IGF2BP2: variants seen among roughly 807,000 people sequenced by gnomAD.
The protein encoded by IGF2BP2 is insulin-like growth factor 2 mRNA-binding protein 2.
In IGF2BP2, 17 loss-of-function variants were observed where a neutral mutation model predicts 75.8. The ratio of observed to expected loss-of-function variants is 0.22; its 90% CI spans 0.15 to 0.34. IGF2BP2 has a LOEUF of 0.34. IGF2BP2 is among the 10% of genes least tolerant of loss of function. IGF2BP2 has a pLI of 1.00. For synonymous variants in IGF2BP2, 288 were observed against 295.6 expected, an observed-to-expected ratio of 0.97 and a Z score of 0.26; for missense variants, 516 against 772.4, an observed-to-expected ratio of 0.67 and a Z score of 3.93.
chr3:185,715,722 C>A (rs1416206781), intron 2 of IGF2BP2, among the ~76,000 whole-genome samples: 1 of 152,082 alleles, frequency 6.6e-6, no homozygotes, highest in Non-Finnish European at 1.5e-5. Context: ...CGGCTCACTG[C>A]AACCTCCACC....
chr3:185,648,956 C>A (rs1445025643), intron 14 of IGF2BP2, among the ~76,000 whole-genome samples: 1 of 151,166 alleles, frequency 6.6e-6, no homozygotes, highest in Non-Finnish European at 1.5e-5. Context: ...AGGGCACAGG[C>A]CTGAGTGAAA....
At chr3:185,697,416 T>C (rs1722729138) in intron 3 of IGF2BP2, among the ~76,000 whole-genome samples, 1 of 128,728 alleles carries the variant, frequency 7.8e-6, no homozygotes, top group Non-Finnish European at 1.8e-5. Flanking sequence ...AATAATCGTG[T>C]GTTTTTTTTT....
intron 10 of IGF2BP2, 72 bp from the exon 11 acceptor site, chr3:185,658,481 T>TGA: frequency 3.9e-6 from 5 of 1,284,832 alleles, no homozygotes; most frequent in South Asian, 1.3e-5. Flanking sequence ...GAGGCCAGAT[T>TGA]CCCAACATGC....
At chr3:185,651,816 C>T (rs1018653437) in intron 13 of IGF2BP2, among the ~76,000 whole-genome samples, 2 of 152,156 alleles carry the variant, frequency 1.3e-5, no homozygotes, top group African/African-American at 4.8e-5. Context: ...ATCCTCAAAA[C>T]CAGGGCTAAG....
rs1048303401 is a variant in IGF2BP2 at position 185,800,279 on chromosome 3, G to A, written c.239+22874C>T. Among the ~76,000 whole-genome samples, 5 of 152,168 alleles carry A rather than the reference G, an allele frequency of 3.3e-5. No individual in the cohort carries two copies. The East Asian group carries it at 9.6e-4, about 29-fold the overall frequency. On this transcript the variant is annotated intron_variant, in intron 2 of 15. Coordinates refer to ENST00000382199, the MANE Select transcript of IGF2BP2 (RefSeq NM_006548.6). ...ACGTCATAGACCGGGGCCTGTCGGAGAGTGGGGGACTGGGGGAGGTATAGC... is the reference window on the plus strand; with the variant it reads ...ACGTCATAGACCGGGGCCTGTCGGAAAGTGGGGGACTGGGGGAGGTATAGC...
chr3:185,786,336 C>T (rs957500581), intron 2 of IGF2BP2, among the ~76,000 whole-genome samples: 4 of 152,212 alleles, frequency 2.6e-5, no homozygotes, highest in South Asian at 2.1e-4. Flanking sequence ...GCTAAGCCAT[C>T]GTATCCCCTG....
chr3:185,689,233 T>C (rs1486761779), intron 6 of IGF2BP2, 122 bp downstream of exon 6: 1 of 1,007,166 alleles, frequency 9.9e-7, no homozygotes, highest in African/African-American at 1.6e-5. Context: ...AAGAAGCCAC[T>C]GTCTCTTACA....
intron 2 of IGF2BP2, among the ~76,000 whole-genome samples, chr3:185,749,669 T>C (rs758309372): frequency 1.1e-4 from 16 of 152,206 alleles, no homozygotes; most frequent in Non-Finnish European, 1.8e-4. Context: ...CGCTGGGTAA[T>C]TTTGAGAAAA....
intron 2 of IGF2BP2, chr3:185,716,880 G>A: frequency 2.1e-6 from 1 of 477,916 alleles, no homozygotes; most frequent in Non-Finnish European, 4.1e-6. Flanking sequence ...CTTGTTCGTG[G>A]AATTTATCAC....
At chr3:185,695,045 C>T (rs1722406421) in intron 4 of IGF2BP2, among the ~76,000 whole-genome samples, 1 of 152,224 alleles carries the variant, frequency 6.6e-6, no homozygotes, top group South Asian at 2.1e-4. Context: ...AGAGATCATG[C>T]TCCTGCACTC....
At chr3:185,658,519 GCTCCACTGTCGTGTCTACACGCCTGTCC>G in intron 10 of IGF2BP2, 110 bp from the exon 11 acceptor site, 1 of 871,022 alleles carries the variant, frequency 1.1e-6, no homozygotes, top group East Asian at 2.5e-5. Context: ...GCATCAGCTG[GCTCCACTGTCGTGTCTACACGCCTGTCC>G]CTCTGTGTCT....
chr3:185,684,533 T>C (rs1367647743), intron 7 of IGF2BP2, among the ~76,000 whole-genome samples: 1 of 152,180 alleles, frequency 6.6e-6, no homozygotes, highest in Non-Finnish European at 1.5e-5. Context: ...GCTTCCCAAG[T>C]AGCTGGGACT....
At position 185,703,275 on chromosome 3, in the gene IGF2BP2, T is replaced by C. The variant is rs995440231; in HGVS notation, c.240-4928A>G. ...GCCTCAGCATACATTTTATAATCTG[T>C]TATATTTATAATACGTTATCTTTGG... On this transcript the variant is annotated intron_variant, in intron 2 of 15. Transcript: ENST00000382199. 3.2e-4 allele frequency among the ~76,000 whole-genome samples: 48 copies of C among 152,222 alleles called. 2 individuals carry two copies. Among genetic ancestry groups the C allele is most frequent in the Non-Finnish European group, 5.9e-5 (4 of 68,044 alleles).
chr3:185,778,195 G>A (rs972767718), intron 2 of IGF2BP2, among the ~76,000 whole-genome samples: 1 of 152,072 alleles, frequency 6.6e-6, no homozygotes, highest in Non-Finnish European at 1.5e-5. Flanking sequence ...AGCACGTCTT[G>A]GCAGCTCAGG....
intron 10 of IGF2BP2, among the ~76,000 whole-genome samples, chr3:185,665,329 G>GAGGAGGAGGAGAAGGAGGAGGAGGAGA (rs1560250636): frequency 3.3e-5 from 3 of 90,516 alleles, no homozygotes; most frequent in Non-Finnish European, 6.8e-5. Flanking sequence ...GAAGGAGGAG[G>GAGGAGGAGGAGAAGGAGGAGGAGGAGA]AGGAGGAGGA....
intron 2 of IGF2BP2, among the ~76,000 whole-genome samples, chr3:185,698,693 A>G (rs1400456671): frequency 6.6e-6 from 1 of 151,132 alleles, no homozygotes; most frequent in Non-Finnish European, 1.5e-5. Flanking sequence ...CAGTGGCACG[A>G]TCTTGGCTCA....
intron 8 of IGF2BP2, 45 bp from the exon 9 acceptor site, chr3:185,675,476 A>C: frequency 6.3e-7 from 1 of 1,584,902 alleles, no homozygotes; most frequent in Admixed American, 2.0e-5. Context: ...CAACGGGAAA[A>C]ATAAAATGCC....
At chr3:185,668,399 G>A (rs1382053657) in intron 10 of IGF2BP2, among the ~76,000 whole-genome samples, 1 of 151,288 alleles carries the variant, frequency 6.6e-6, no homozygotes, top group African/African-American at 2.4e-5. Context: ...TACACTTCTA[G>A]GGCGGGGGTA....
intron 2 of IGF2BP2, among the ~76,000 whole-genome samples, chr3:185,758,665 G>A (rs9681668): frequency 0.2 from 30,255 of 152,120 alleles, 3,424 homozygotes; most frequent in Middle Eastern, 0.31. Flanking sequence ...CAGACCTTTC[G>A]GGAGAGAGAA....
Sources: allele counts gnomAD v4.1 joint callset (sites outside exome capture counted in the v4.1 genomes callset), GRCh38; gene constraint gnomAD v4.1.1; transcripts MANE v1.5; gene names NCBI Gene and HGNC (gene_info 2026-07-23, HGNC 2026-07-21).